Variants in SRPRA observed in about 807,000 individuals in gnomAD.
SRPRA encodes signal recognition particle receptor subunit alpha.
SRPRA carries 30 observed loss-of-function variants against 61.1 expected under a neutral mutation model. The observed-to-expected ratio is 0.49, with a 90% confidence interval of 0.37 to 0.67. The LOEUF is 0.67. Ranked by LOEUF, SRPRA falls within the 30% of genes least tolerant of loss-of-function variation. The pLI is 0.00. For missense variants in SRPRA, 759 were observed against 828.4 expected, an observed-to-expected ratio of 0.92 and a Z score of 1.03; for synonymous variants, 324 against 299.7, an observed-to-expected ratio of 1.08 and a Z score of -0.84.
chr11:126,265,211 A>G lies in SRPRA; in HGVS notation c.1312-39T>C. 1.2e-6 allele frequency: 2 copies of G among 1,613,874 alleles called. No individual in the cohort carries two copies. The highest frequency in any genetic ancestry group is 1.7e-6 in the Non-Finnish European group (2 of 1,179,812). On this transcript the variant is annotated intron_variant, in intron 10 of 13. Transcript: ENST00000332118. The surrounding 1 kb of genome is among the most constrained non-coding windows in gnomAD (Gnocchi z 6.3). ...GTAAGAAAAGTCACCTAAAGCCAGG[A>G]TTTTGAGACACAAGAAGTACAGAAA...
downstream of SRPRA, chr11:126,261,504 A>C: frequency 6.3e-7 from 1 of 1,589,112 alleles, no homozygotes; most frequent in Non-Finnish European, 8.6e-7. Flanking sequence ...TTCCTATTCT[A>C]CTATTTATCA....
the SRPRA span, among the ~76,000 whole-genome samples, chr11:126,238,971 T>G: frequency 3.5e-5 from 5 of 143,770 alleles, no homozygotes; most frequent in African/African-American, 1.3e-4. Flanking sequence ...TAAGTGGAAG[T>G]CTTTTTTTTT....
chr11:126,247,129 C>T, the SRPRA span, among the ~76,000 whole-genome samples: 4 of 152,058 alleles, frequency 2.6e-5, no homozygotes, highest in Non-Finnish European at 4.4e-5. Context: ...CCTGTCTGTA[C>T]GAAAAATTTA....
In SRPRA at chr11:126,263,250, G is replaced by A. The variant is rs560774406; in HGVS notation, c.*666C>T. 3 of 152,486 alleles carry A rather than the reference G, an allele frequency of 2.0e-5. No individual in the cohort carries two copies. In the South Asian group the frequency reaches 6.2e-4, roughly 32 times the overall value. The allele number at this position is 152,486 out of a possible 1,614,324, so 9.4% of individuals were successfully genotyped here. ...GGATTCTGGGAGTGGGAAGAGTTGG[G>A]AGGCCAAGAAGCCCAATGCAACGCT... On this transcript the variant is annotated 3_prime_UTR_variant, in exon 14 of 14. Coordinates refer to ENST00000332118, the MANE Select transcript of SRPRA (RefSeq NM_003139.4).
downstream of SRPRA, among the ~76,000 whole-genome samples, chr11:126,259,587 G>A (rs1369887779): frequency 1.3e-5 from 2 of 151,850 alleles, no homozygotes; most frequent in African/African-American, 4.8e-5. Context: ...CACCATGCCC[G>A]GCTAATTTTT....
chr11:126,235,987 C>A, the SRPRA span, among the ~76,000 whole-genome samples: 1 of 150,980 alleles, frequency 6.6e-6, no homozygotes, highest in Non-Finnish European at 1.5e-5. Flanking sequence ...TTCTCACATG[C>A]TCTGACAGAA....
the SRPRA span, chr11:126,256,997 TTAGAC>T: frequency 2.5e-6 from 2 of 815,876 alleles, no homozygotes; most frequent in African/African-American, 1.7e-5. The surrounding 1 kb of genome is among the most constrained non-coding windows in gnomAD (Gnocchi z 6.6). Context: ...AGTCTTCAGG[TTAGAC>T]TAAAGTGCCA....
chr11:126,240,883 C>G, the SRPRA span: 1 of 1,614,188 alleles, frequency 6.2e-7, no homozygotes, highest in Non-Finnish European at 8.5e-7. Context: ...GCCCCAAGTT[C>G]CAGCCCTCAA....
downstream of SRPRA, chr11:126,262,642 A>G (rs1327084955): frequency 6.5e-6 from 1 of 153,248 alleles, no homozygotes; most frequent in African/African-American, 2.4e-5. Flanking sequence ...AAGCTTGTTC[A>G]TTTACTTGCC....
At position 126,266,938 on chromosome 11, in the gene SRPRA, C is replaced by T; in HGVS notation, c.527-16G>A. ...CCATCAGAACCTGTTGGGGAAAAAA[C>T]TCACTGAAGAAAAAAGAAGACCAAT... On this transcript the variant is annotated splice_polypyrimidine_tract_variant and intron_variant, in intron 4 of 13. Coordinates refer to ENST00000332118, the MANE Select transcript of SRPRA (RefSeq NM_003139.4). 6.2e-7 allele frequency: 1 copy of T among 1,605,718 alleles called. No individual in the cohort carries two copies.
downstream of SRPRA, among the ~76,000 whole-genome samples, chr11:126,261,677 A>G (rs572678998): frequency 8.5e-5 from 13 of 152,206 alleles, no homozygotes; most frequent in Non-Finnish European, 4.4e-5. Flanking sequence ...AATCTAGTGC[A>G]GTGATCAGTT....
At chr11:126,266,424 A>C in intron 6 of SRPRA, 52 bp downstream of exon 6, 1 of 1,601,132 alleles carries the variant, frequency 6.2e-7, no homozygotes, top group South Asian at 1.1e-5. Flanking sequence ...CCCACACTCT[A>C]CTTCCTCCCA....
At position 126,266,196 on chromosome 11, in the gene SRPRA, G is replaced by A. The variant is rs1488560361; in HGVS notation, c.923C>T (p.Thr308Ile). ...CCTGAAATTCCCCTACCTAGGTTTGGTAGAGTTTTGAGCAGCCCCTTCGTC... is the reference window on the plus strand; with the variant it reads ...CCTGAAATTCCCCTACCTAGGTTTGATAGAGTTTTGAGCAGCCCCTTCGTC... ...SDDEGAAQNS[T>I]KPSATKGTLG... is the part of the protein sequence containing the mutation. Residue 308 changes from threonine to isoleucine, a missense_variant, in exon 7 of 14, where the codon ACC becomes ATC. Transcript: ENST00000332118. 6.2e-7 allele frequency: 1 copy of A among 1,613,988 alleles called. No individual in the cohort carries two copies. Among genetic ancestry groups the A allele is most frequent in the Non-Finnish European group, 8.5e-7 (1 of 1,180,034 alleles).
At position 126,265,825 on chromosome 11, in the gene SRPRA, T is replaced by G; in HGVS notation, c.1052-2A>C. 1 of 1,614,218 alleles carries G rather than the reference T, an allele frequency of 6.2e-7. No homozygotes were observed. On this transcript the variant is annotated splice_acceptor_variant, in intron 8 of 13. Transcript: ENST00000332118. LOFTEE classifies it high-confidence loss of function. This position sits in a 1 kb window ranked among gnomAD's most constrained non-coding sequence, Gnocchi z 6.3. ...CAATGTCTGCAGCCACGTTCTTAGC[T>G]GAGGAGAGGGGGACAGGTATGTCAG...
At chr11:126,250,851 C>A in the SRPRA span, 1 of 723,580 alleles carries the variant, frequency 1.4e-6, no homozygotes. This position sits in a 1 kb window ranked among gnomAD's most constrained non-coding sequence, Gnocchi z 5.1. Flanking sequence ...AAATTTTTTC[C>A]CTGGTTGGAG....
chr11:126,259,749 TTC>T (rs1336922489), downstream of SRPRA, among the ~76,000 whole-genome samples: 1 of 136,774 alleles, frequency 7.3e-6, no homozygotes, highest in Non-Finnish European at 1.6e-5. Flanking sequence ...GAGATGGAGT[TTC>T]TCTCTGTCAC....
At chr11:126,242,024 C>CA in the SRPRA span, among the ~76,000 whole-genome samples, 87 of 88,330 alleles carry the variant, frequency 9.8e-4, no homozygotes, top group Admixed American at 2.8e-3. Flanking sequence ...GACTCCGTCT[C>CA]AAAAAAAAAA....
the SRPRA span, among the ~76,000 whole-genome samples, chr11:126,244,206 C>T: frequency 6.6e-6 from 1 of 152,140 alleles, no homozygotes; most frequent in Non-Finnish European, 1.5e-5. The surrounding 1 kb of genome is among the most constrained non-coding windows in gnomAD (Gnocchi z 4.5). Context: ...TTTCCCACTC[C>T]ACTCCTGTCC....
At chr11:126,254,240 C>T in the SRPRA span, 1 of 1,562,544 alleles carries the variant, frequency 6.4e-7, no homozygotes, top group Non-Finnish European at 8.7e-7. Context: ...GCCTCTTGCC[C>T]ATTGTGACCT....
Sources: allele counts gnomAD v4.1 joint callset (sites outside exome capture counted in the v4.1 genomes callset), GRCh38; gene constraint gnomAD v4.1.1; non-coding constraint Gnocchi (gnomAD v3.1); transcripts MANE v1.5; gene names NCBI Gene and HGNC (gene_info 2026-07-23, HGNC 2026-07-21).